Variants in ANKFN1 observed in about 807,000 individuals in gnomAD.
ANKFN1 encodes ankyrin repeat and fibronectin type III domain containing 1, also known as ankyrin repeat and fibronectin type-III domain-containing protein 1.
Under a neutral mutation model 108.7 loss-of-function variants are expected in ANKFN1, and 74 were observed. The observed-to-expected ratio is 0.68, with a 90% CI of 0.56 to 0.83. The LOEUF is 0.83. ANKFN1 is among the 40% of genes least tolerant of loss of function. The probability of loss-of-function intolerance (pLI) is 0.00; values close to 1 mark genes in which losing one functional copy is unlikely to be tolerated. For missense variants in ANKFN1, 1,505 were observed against 1,382.3 expected (o/e 1.09, Z -1.41); for synonymous variants, 547 against 516.2 (o/e 1.06, Z -0.81).
intron 20 of ANKFN1, among the ~76,000 whole-genome samples, chr17:56,509,645 T>C (rs1214665706): frequency 6.6e-6 from 1 of 152,188 alleles, no homozygotes; most frequent in Non-Finnish European, 1.5e-5. Flanking sequence ...TAATGGATAC[T>C]GGATAATGGA....
In ANKFN1 at chr17:56,510,891, C is replaced by G; in HGVS notation, c.3063C>G (p.His1021Gln). The change falls in exon 21 of 21, where the codon CAC (histidine) becomes CAG (glutamine). Residue 1021 changes from histidine to glutamine, a missense_variant. Coordinates refer to ENST00000682825, the MANE Select transcript of ANKFN1 (RefSeq NM_001370326.1). ...FSRHHRWLRI[H>Q]SETQSLSLSE... Reference sequence around the variant, plus strand: ...GCCATCATCGCTGGTTGCGCATCCACAGCGAGACCCAGTCGCTATCGCTCT... The same window carrying G: ...GCCATCATCGCTGGTTGCGCATCCAGAGCGAGACCCAGTCGCTATCGCTCT... The G allele has an allele frequency of 6.5e-7, 1 of 1,536,180 alleles. No homozygotes were observed. The highest frequency in any genetic ancestry group is 8.7e-7 in the Non-Finnish European group (1 of 1,146,908).
At chr17:56,398,522 T>C (rs773279053) in intron 8 of ANKFN1, among the ~76,000 whole-genome samples, 21 of 152,318 alleles carry the variant, frequency 1.4e-4, no homozygotes, top group African/African-American at 4.3e-4. Context: ...TCTCCTTCTA[T>C]AGCATTCCAT....
At chr17:56,508,917 C>A (rs1001354003) in intron 20 of ANKFN1, among the ~76,000 whole-genome samples, 1 of 152,176 alleles carries the variant, frequency 6.6e-6, no homozygotes, top group African/African-American at 2.4e-5. Context: ...ATAGAATCTT[C>A]ATTGTGAATG....
chr17:56,234,344 T>G (rs1221017883), intron 3 of ANKFN1, among the ~76,000 whole-genome samples: 1 of 74,386 alleles, frequency 1.3e-5, no homozygotes, highest in Non-Finnish European at 2.6e-5. Flanking sequence ...TCCTTTGGGG[T>G]TTTTTTTTTT....
At chr17:56,321,483 CT>C (rs2045366241) in intron 3 of ANKFN1, among the ~76,000 whole-genome samples, 1 of 150,970 alleles carries the variant, frequency 6.6e-6, no homozygotes, top group African/African-American at 2.4e-5. Flanking sequence ...AAAATCTTCG[CT>C]GAAAAAAAAG....
intron 11 of ANKFN1, among the ~76,000 whole-genome samples, chr17:56,450,627 G>A (rs2049450789): frequency 6.6e-6 from 1 of 152,136 alleles, no homozygotes; most frequent in Non-Finnish European, 1.5e-5. Flanking sequence ...CATTTAACCA[G>A]GCCAGTTGTT....
intron 3 of ANKFN1, among the ~76,000 whole-genome samples, chr17:56,258,783 C>T (rs1435311238): frequency 2.6e-5 from 4 of 151,860 alleles, no homozygotes; most frequent in East Asian, 3.9e-4. Flanking sequence ...TGGTGGCGGG[C>T]GCCTGTAGTC....
At chr17:56,507,890 T>C (rs1477665878) in intron 20 of ANKFN1, among the ~76,000 whole-genome samples, 3 of 152,190 alleles carry the variant, frequency 2.0e-5, no homozygotes, top group Non-Finnish European at 2.9e-5. Context: ...TAAGTCACTC[T>C]TTCATTAAAA....
intron 8 of ANKFN1, among the ~76,000 whole-genome samples, chr17:56,380,738 C>T (rs554590584): frequency 5.3e-5 from 8 of 152,326 alleles, no homozygotes; most frequent in African/African-American, 1.4e-4. Flanking sequence ...GGGGGAGGGG[C>T]GCCCGCCATT....
At chr17:56,081,871 A>G (rs946417275) in intron 4 of ANKFN1, among the ~76,000 whole-genome samples, 1 of 152,204 alleles carries the variant, frequency 6.6e-6, no homozygotes, top group Non-Finnish European at 1.5e-5. Flanking sequence ...CTGGAAGGTC[A>G]TATACCAGTT....
At chr17:56,134,582 T>A (rs1907483952) in intron 4 of ANKFN1, among the ~76,000 whole-genome samples, 1 of 152,122 alleles carries the variant, frequency 6.6e-6, no homozygotes, top group African/African-American at 2.4e-5. Flanking sequence ...ATATTAGAAC[T>A]AAAGATTCTC....
At chr17:56,402,886 G>A (rs939097676) in intron 8 of ANKFN1, among the ~76,000 whole-genome samples, 2 of 152,044 alleles carry the variant, frequency 1.3e-5, no homozygotes, top group African/African-American at 4.8e-5. Context: ...TATCCCAGAG[G>A]TTTCGGTAGG....
intron 1 of ANKFN1, among the ~76,000 whole-genome samples, chr17:56,167,193 CAT>C (rs1295340396): frequency 2.7e-5 from 4 of 149,008 alleles, no homozygotes; most frequent in Admixed American, 6.7e-5. Flanking sequence ...ATCATGTATA[CAT>C]ATATGTTACA....
intron 8 of ANKFN1, among the ~76,000 whole-genome samples, chr17:56,414,630 AATATATC>A (rs2048187413): frequency 6.6e-6 from 1 of 152,222 alleles, no homozygotes; most frequent in Admixed American, 6.5e-5. Context: ...CAGTTAATGT[AATATATC>A]ATATAATCAG....
intron 20 of ANKFN1, among the ~76,000 whole-genome samples, chr17:56,505,467 T>C (rs761326719): frequency 8.5e-5 from 13 of 152,218 alleles, no homozygotes; most frequent in Non-Finnish European, 1.8e-4. Flanking sequence ...TCAGACTATA[T>C]GATCTGGGAA....
At chr17:56,107,889 G>A (rs1905780725) in intron 4 of ANKFN1, among the ~76,000 whole-genome samples, 1 of 152,230 alleles carries the variant, frequency 6.6e-6, no homozygotes, top group South Asian at 2.1e-4. Flanking sequence ...TTGAGACAAA[G>A]TCTTGCTCTG....
intron 6 of ANKFN1, among the ~76,000 whole-genome samples, chr17:56,361,498 A>T (rs866601736): frequency 6.6e-5 from 10 of 151,852 alleles, no homozygotes; most frequent in African/African-American, 1.9e-4. Context: ...CCCACATCTG[A>T]CCTTTGGTAG....
chr17:56,178,848 A>T (rs1397482014), intron 1 of ANKFN1, among the ~76,000 whole-genome samples: 3 of 152,164 alleles, frequency 2.0e-5, no homozygotes, highest in Non-Finnish European at 2.9e-5. Flanking sequence ...AACCTATTTG[A>T]ACATGTTTCT....
chr17:56,053,868 TA>T (rs907186532), intron 4 of ANKFN1, among the ~76,000 whole-genome samples: 2 of 152,142 alleles, frequency 1.3e-5, no homozygotes, highest in African/African-American at 4.8e-5. Flanking sequence ...AGGTATTTTT[TA>T]AAAAAATTAT....
Sources: allele counts gnomAD v4.1 joint callset (sites outside exome capture counted in the v4.1 genomes callset), GRCh38; gene constraint gnomAD v4.1.1; transcripts MANE v1.5; gene names NCBI Gene and HGNC (gene_info 2026-07-23, HGNC 2026-07-21).